Variants in ASRGL1 observed in about 807,000 individuals in gnomAD.
The protein encoded by ASRGL1 is asparaginase and isoaspartyl peptidase 1.
A neutral mutation model predicts 22.4 loss-of-function variants in ASRGL1; 16 were observed. That is an observed-to-expected ratio of 0.71 (90% CI 0.48 to 1.08). The LOEUF is 1.08. Ranked by LOEUF, ASRGL1 falls within the 50% of genes least tolerant of loss-of-function variation. ASRGL1 has a pLI of 0.00. For missense variants in ASRGL1, 412 were observed against 410.1 expected (o/e 1.00, Z -0.04); for synonymous variants, 165 against 159.3 (o/e 1.04, Z -0.27).
At chr11:62,362,696 T>C (rs1442569027) in intron 4 of ASRGL1, among the ~76,000 whole-genome samples, 1 of 88,426 alleles carries the variant, frequency 1.1e-5, no homozygotes, top group Non-Finnish European at 2.0e-5. Context: ...ATATATATTA[T>C]ATATTATATA....
intron 4 of ASRGL1, among the ~76,000 whole-genome samples, chr11:62,387,114 G>T (rs1372160626): frequency 6.6e-6 from 1 of 150,704 alleles, no homozygotes; most frequent in East Asian, 1.9e-4. Flanking sequence ...TGTTGACCAG[G>T]CTAGTCTCAA....
At position 62,372,150 on chromosome 11, in the gene ASRGL1, C is replaced by T. The variant is rs539698871; in HGVS notation, c.491+15006C>T. The T allele has an allele frequency of 6.3e-4, 556 of 879,510 alleles. 4 individuals are homozygous for T. The South Asian group carries it at 6.9e-3, about 11-fold the overall frequency. The allele number at this position is 879,510 out of a possible 1,614,324, so 54.5% of individuals were successfully genotyped here. A position where few individuals can be genotyped will look rare whatever the true frequency, so the allele number is the denominator to read the frequency against. The stretch of plus-strand genomic sequence containing the variant: ...TGGAGCTGGGGTCGAAATGAGAAGG[C>T]GCAGCTGGGACATGGTGACACCAAG... On this transcript the variant is annotated intron_variant, in intron 4 of 6. Coordinates refer to ENST00000415229, the MANE Select transcript of ASRGL1 (RefSeq NM_001083926.2).
At chr11:62,369,807 A>G (rs1946715710) in intron 4 of ASRGL1, among the ~76,000 whole-genome samples, 2 of 152,146 alleles carry the variant, frequency 1.3e-5, no homozygotes, top group African/African-American at 4.8e-5. Context: ...CAGACTCATT[A>G]TAAACTCGGG....
At chr11:62,348,155 G>C (rs938713349) in intron 2 of ASRGL1, among the ~76,000 whole-genome samples, 1 of 152,178 alleles carries the variant, frequency 6.6e-6, no homozygotes, top group African/African-American at 2.4e-5. Context: ...ATTTCACGTA[G>C]AGGACTTGAG....
At chr11:62,362,222 T>C (rs533046580) in intron 4 of ASRGL1, among the ~76,000 whole-genome samples, 2 of 151,922 alleles carry the variant, frequency 1.3e-5, no homozygotes, top group South Asian at 2.1e-4. Flanking sequence ...AGATGGAATA[T>C]CTTGACTAAA....
At position 62,383,913 on chromosome 11, in the gene ASRGL1, C is replaced by A. The variant is rs867396827; in HGVS notation, c.492-5220C>A. ...TGGGCGACAGGGCAAGAGTTGGTCT[C>A]AAAAAAAAAAAAAAAATCAGTACTC... is the stretch of plus-strand genomic sequence containing the variant. On this transcript the variant is annotated intron_variant, in intron 4 of 6. Coordinates refer to ENST00000415229, the MANE Select transcript of ASRGL1 (RefSeq NM_001083926.2). 2.7e-3 allele frequency among the ~76,000 whole-genome samples: 334 copies of A among 121,902 alleles called. 1 individual carries two copies. Among genetic ancestry groups the A allele is most frequent in the Middle Eastern group, 8.7e-3 (2 of 230 alleles). 80.0% of individuals were successfully genotyped at this position (121,902 alleles called of 152,430 possible).
chr11:62,362,714 T>TAACATATATTATATAAAA, intron 4 of ASRGL1, among the ~76,000 whole-genome samples: 1 of 51,832 alleles, frequency 1.9e-5, no homozygotes, highest in South Asian at 4.9e-4. Context: ...ATAAAATATA[T>TAACATATATTATATAAAA]TATATGTTAT....
At chr11:62,381,492 G>T (rs1271376832) in intron 4 of ASRGL1, among the ~76,000 whole-genome samples, 1 of 152,060 alleles carries the variant, frequency 6.6e-6, no homozygotes, top group Non-Finnish European at 1.5e-5. Flanking sequence ...CAACTGAAAC[G>T]CTATCTTCTC....
At chr11:62,371,091 C>G (rs1208570818) in intron 4 of ASRGL1, 2 of 662,038 alleles carry the variant, frequency 3.0e-6, no homozygotes, top group Non-Finnish European at 4.5e-6. Flanking sequence ...GCTTCTCTTC[C>G]TTTTTTCTCT....
chr11:62,357,416 ATTTTT>A, intron 4 of ASRGL1, among the ~76,000 whole-genome samples: 1 of 100,390 alleles, frequency 1.0e-5, no homozygotes, highest in South Asian at 3.5e-4. Flanking sequence ...CACCCGGCTC[ATTTTT>A]TTTTTTTTTT....
intron 4 of ASRGL1, chr11:62,372,670 G>T (rs1226827019): frequency 9.3e-7 from 1 of 1,076,584 alleles, no homozygotes; most frequent in African/African-American, 1.6e-5. Context: ...TTCTCCTGGG[G>T]CTTCAGTGGC....
chr11:62,372,384 A>G (rs771458290), intron 4 of ASRGL1: 35 of 1,557,954 alleles, frequency 2.2e-5, no homozygotes, highest in Non-Finnish European at 3.0e-5. Context: ...AATTACCAAA[A>G]TGGCCTGTGA....
At position 62,338,419 on chromosome 11, in the gene ASRGL1, T is replaced by C. The variant is rs143255435; in HGVS notation, c.190+252T>C. On this transcript the variant is annotated intron_variant, in intron 2 of 6. Coordinates refer to ENST00000415229, the MANE Select transcript of ASRGL1 (RefSeq NM_001083926.2). The stretch of plus-strand genomic sequence containing the variant: ...TACAGCTCTTGGGAAATCCTGAGAA[T>C]GTGTGCTTCTGGAGAGACATAAGAT... 1.2e-5 allele frequency: 5 copies of C among 429,042 alleles called. No individual in the cohort carries two copies. The East Asian group carries it at 1.6e-4, about 13-fold the overall frequency. 26.6% of individuals were successfully genotyped at this position (429,042 alleles called of 1,614,324 possible). A position where few individuals can be genotyped will look rare whatever the true frequency, so the allele number is the denominator to read the frequency against.
intron 4 of ASRGL1, chr11:62,373,189 T>G (rs572118742): frequency 9.5e-5 from 96 of 1,005,836 alleles, no homozygotes; most frequent in East Asian, 9.0e-4. Flanking sequence ...TCCCAGAGAC[T>G]CCTCCGACTC....
At chr11:62,354,593 T>G (rs374233760) in intron 2 of ASRGL1, among the ~76,000 whole-genome samples, 1 of 152,144 alleles carries the variant, frequency 6.6e-6, no homozygotes, top group African/African-American at 2.4e-5. Flanking sequence ...GCTGATCTGC[T>G]TGGTATTCGA....
At chr11:62,356,913 A>G (rs747683291) in intron 3 of ASRGL1, 74 bp from the exon 4 acceptor site, 31 of 1,478,452 alleles carry the variant, frequency 2.1e-5, no homozygotes, top group African/African-American at 2.8e-5. Context: ...TAATTATTTC[A>G]ACACAGTTGG....
chr11:62,379,451 G>A (rs931026453), intron 4 of ASRGL1, among the ~76,000 whole-genome samples: 26 of 152,146 alleles, frequency 1.7e-4, no homozygotes, highest in African/African-American at 6.0e-4. Flanking sequence ...TAAGGCAGGA[G>A]TAACAACTGA....
At chr11:62,391,109 C>T (rs1028937942) in intron 5 of ASRGL1, among the ~76,000 whole-genome samples, 2 of 152,234 alleles carry the variant, frequency 1.3e-5, no homozygotes, top group Admixed American at 6.5e-5. Context: ...TTGTGGGTAT[C>T]ATTTTCCCCA....
chr11:62,342,817 T>C (rs1343768834), intron 2 of ASRGL1, among the ~76,000 whole-genome samples: 2 of 152,242 alleles, frequency 1.3e-5, no homozygotes, highest in Admixed American at 1.3e-4. Context: ...CTGGATTCTT[T>C]GGTTAACATA....
Sources: gnomAD v4.1 joint callset for allele counts (sites outside exome capture counted in the v4.1 genomes callset) on GRCh38, gnomAD v4.1.1 for gene constraint, MANE v1.5 for transcripts, NCBI Gene and HGNC (gene_info 2026-07-23, HGNC 2026-07-21) for gene names.